Variants in PPP1R9A observed in about 807,000 individuals in gnomAD.
PPP1R9A encodes protein phosphatase 1 regulatory subunit 9A, also known as neurabin-1.
In PPP1R9A, 59 loss-of-function variants were observed where a neutral mutation model predicts 141.9. That is an observed-to-expected ratio of 0.42 (90% CI 0.34 to 0.52). The LOEUF (loss-of-function observed/expected upper bound fraction) is 0.52. Ranked by LOEUF, PPP1R9A falls within the 20% of genes least tolerant of loss-of-function variation. The pLI is 0.10. For missense variants in PPP1R9A, 1,444 were observed against 1,611.9 expected (o/e 0.90, Z 1.78); for synonymous variants, 500 against 569.7 (o/e 0.88, Z 1.74).
At chr7:95,148,650 C>G (rs1452811122) in intron 4 of PPP1R9A, among the ~76,000 whole-genome samples, 2 of 149,956 alleles carry the variant, frequency 1.3e-5, no homozygotes, top group African/African-American at 4.9e-5. Flanking sequence ...TTATTGCCAG[C>G]CTGGCCAATA....
chr7:95,010,869 T>A (rs554647230), intron 2 of PPP1R9A, among the ~76,000 whole-genome samples: 2 of 152,320 alleles, frequency 1.3e-5, no homozygotes, highest in African/African-American at 4.8e-5. Context: ...AGTATTCTTA[T>A]ATTGATGTTC....
chr7:95,002,629 A>C (rs979149179), intron 2 of PPP1R9A, among the ~76,000 whole-genome samples: 2 of 152,168 alleles, frequency 1.3e-5, no homozygotes, highest in African/African-American at 4.8e-5. Context: ...CTAAAATTGG[A>C]AGTAGAATGA....
At chr7:94,921,018 G>A (rs1204263139) in intron 2 of PPP1R9A, among the ~76,000 whole-genome samples, 1 of 152,090 alleles carries the variant, frequency 6.6e-6, no homozygotes, top group African/African-American at 2.4e-5. Context: ...TCAGAAAATT[G>A]TCTAATCTTC....
chr7:95,175,417 GA>G (rs1257488541), intron 5 of PPP1R9A, among the ~76,000 whole-genome samples: 3 of 151,580 alleles, frequency 2.0e-5, no homozygotes, highest in Non-Finnish European at 4.4e-5. Context: ...GACTATTTAG[GA>G]AAGATTGACC....
At chr7:94,966,719 G>T (rs1563058276) in intron 2 of PPP1R9A, among the ~76,000 whole-genome samples, 1 of 152,188 alleles carries the variant, frequency 6.6e-6, no homozygotes. Flanking sequence ...TGGTTTGCCA[G>T]TGTTTTATTG....
chr7:94,933,145 A>G (rs150894709), intron 2 of PPP1R9A, among the ~76,000 whole-genome samples: 48 of 152,228 alleles, frequency 3.2e-4, no homozygotes, highest in African/African-American at 8.7e-4. Flanking sequence ...TGCTGTAATT[A>G]TTAAGAACAG....
intron 2 of PPP1R9A, among the ~76,000 whole-genome samples, chr7:95,033,438 G>A (rs1807993741): frequency 6.6e-6 from 1 of 151,992 alleles, no homozygotes; most frequent in African/African-American, 2.4e-5. Context: ...TTGCTTCTAT[G>A]GGTCACAGTG....
intron 2 of PPP1R9A, among the ~76,000 whole-genome samples, chr7:95,007,874 C>T (rs566041633): frequency 1.4e-4 from 21 of 152,162 alleles, no homozygotes; most frequent in African/African-American, 5.1e-4. Flanking sequence ...GAGCTCGAGA[C>T]CAACCTGATC....
chr7:95,218,765 G>A (rs1325690633), intron 7 of PPP1R9A, among the ~76,000 whole-genome samples: 5 of 152,150 alleles, frequency 3.3e-5, no homozygotes, highest in East Asian at 1.9e-4. Context: ...TTTAAAGTCT[G>A]TTTTATCAGA....
At chr7:94,942,851 AAAT>A (rs1795493108) in intron 2 of PPP1R9A, among the ~76,000 whole-genome samples, 5 of 133,860 alleles carry the variant, frequency 3.7e-5, no homozygotes, top group Admixed American at 7.6e-5. Context: ...ATAAATAAAT[AAAT>A]AAAAGTTTGC....
intron 16 of PPP1R9A, among the ~76,000 whole-genome samples, chr7:95,283,312 C>T (rs1283018938): frequency 1.3e-5 from 2 of 152,210 alleles, no homozygotes; most frequent in African/African-American, 4.8e-5. Flanking sequence ...AGCACTTTCA[C>T]ATATCTCATT....
chr7:94,948,924 G>A (rs1253185465), intron 2 of PPP1R9A, among the ~76,000 whole-genome samples: 2 of 151,982 alleles, frequency 1.3e-5, no homozygotes, highest in Non-Finnish European at 2.9e-5. Flanking sequence ...CCAAAACCCT[G>A]GGGCTAACTT....
chr7:95,018,632 A>G (rs1199432840), intron 2 of PPP1R9A: 2 of 152,262 alleles, frequency 1.3e-5, no homozygotes, highest in East Asian at 3.9e-4. Flanking sequence ...AAGCCTGGGT[A>G]GGGTTGCTAG....
At chr7:95,079,588 A>G (rs1815456089) in intron 2 of PPP1R9A, among the ~76,000 whole-genome samples, 1 of 152,038 alleles carries the variant, frequency 6.6e-6, no homozygotes, top group Non-Finnish European at 1.5e-5. Flanking sequence ...AACTCATTTT[A>G]TGAGGCCAGC....
At position 95,101,358 on chromosome 7, in the gene PPP1R9A, A is replaced by G. The variant is rs1202211472; in HGVS notation, c.1396-9901A>G. Among the ~76,000 whole-genome samples the G allele has an allele frequency of 2.0e-5, 3 of 152,198 alleles. No homozygotes were observed. In the East Asian group the frequency reaches 5.8e-4, roughly 29 times the overall value. ...TATTGCATTACTAAATGATCCTAAT[A>G]TCTTCTAACAGATGTTTACTTCTCA... On this transcript the variant is annotated intron_variant, in intron 2 of 19. Transcript: ENST00000433360.
At chr7:94,923,000 T>C (rs1238481210) in intron 2 of PPP1R9A, among the ~76,000 whole-genome samples, 1 of 152,144 alleles carries the variant, frequency 6.6e-6, no homozygotes, top group Non-Finnish European at 1.5e-5. Flanking sequence ...AAAAATTTGG[T>C]TTAATAGTGT....
intron 5 of PPP1R9A, among the ~76,000 whole-genome samples, chr7:95,166,663 T>C (rs1254321683): frequency 6.6e-6 from 1 of 152,166 alleles, no homozygotes; most frequent in Admixed American, 6.5e-5. Flanking sequence ...ATTCTTTCTA[T>C]GAGGCAAGCA....
intron 2 of PPP1R9A, among the ~76,000 whole-genome samples, chr7:95,061,553 T>C (rs1385359731): frequency 6.6e-6 from 1 of 151,960 alleles, no homozygotes; most frequent in Non-Finnish European, 1.5e-5. Flanking sequence ...CTGGGCAACG[T>C]AGGGAGACTC....
intron 2 of PPP1R9A, among the ~76,000 whole-genome samples, chr7:94,944,607 G>T (rs1296786182): frequency 6.6e-6 from 1 of 152,114 alleles, no homozygotes; most frequent in Non-Finnish European, 1.5e-5. Context: ...TGATGACCTA[G>T]TGATCAGAAC....
Sources: gnomAD v4.1 joint callset for allele counts (sites outside exome capture counted in the v4.1 genomes callset) on GRCh38, gnomAD v4.1.1 for gene constraint, MANE v1.5 for transcripts, NCBI Gene and HGNC (gene_info 2026-07-23, HGNC 2026-07-21) for gene names.